RAB39B: variants seen among roughly 807,000 people sequenced by gnomAD.
RAB39B encodes RAB39B, member RAS oncogene family.
For missense variants in RAB39B, 68 were observed against 171.3 expected (o/e 0.40, Z 3.37); for synonymous variants, 63 against 67.5 (o/e 0.93, Z 0.33).
rs2124130253 is a variant in RAB39B at position 155,264,255 on chromosome X, T to C, written c.34A>G (p.Ile12Val). 8.3e-7 allele frequency: 1 copy of C among 1,212,062 alleles called. No individual in the cohort carries two copies. Among genetic ancestry groups the C allele is most frequent in the Non-Finnish European group, 1.1e-6 (1 of 895,456 alleles). Residue 12 changes from isoleucine (I) to valine (V), a missense_variant, in exon 1 of 2, where the codon ATT (isoleucine) becomes GTT (valine). Physicochemically the swap from Ile to Val is conservative, Grantham distance 29 (BLOSUM62 3). Transcript: ENST00000369454. Reference protein sequence around the residue: ...EAIWLYQFRLIVIGDSTVGKS... With the variant: ...EAIWLYQFRLVVIGDSTVGKS... ...CCCACTGTGGAATCCCCGATGACAATGAGCCGGAACTGGTACAGCCAGATG... is the reference window on the plus strand; with the variant it reads ...CCCACTGTGGAATCCCCGATGACAACGAGCCGGAACTGGTACAGCCAGATG...
rs2074851932 is a variant in RAB39B, at chrX:155,261,031, G to A, written c.414C>T (p.Ala138=). The change falls in exon 2 of 2, where the codon GCC becomes GCT. Residue 138 remains alanine, a synonymous_variant. Coordinates refer to ENST00000369454, the MANE Select transcript of RAB39B (RefSeq NM_171998.4). Reference sequence around the variant, plus strand: ...TGCCGTATGCAGCAGCCAGTTTCTCGGCCTCGTGGCGAGTCACTTGCCTCT... The same window carrying A: ...TGCCGTATGCAGCAGCCAGTTTCTCAGCCTCGTGGCGAGTCACTTGCCTCT... ...DTQRQVTRHE[A]EKLAAAYGMK... is the part of the protein sequence containing the mutation. 1.6e-5 allele frequency: 19 copies of A among 1,211,059 alleles called. No homozygotes were observed. Among genetic ancestry groups the A allele is most frequent in the South Asian group, 1.8e-5 (1 of 56,928 alleles).
chrX:155,260,752 C>T lies in RAB39B; in HGVS notation c.*51G>A. The T allele has an allele frequency of 8.9e-7, 1 of 1,121,408 alleles. No homozygotes were observed. Among genetic ancestry groups the T allele is most frequent in the Non-Finnish European group, 1.2e-6 (1 of 813,246 alleles). 92.4% of individuals were successfully genotyped at this position (1,121,408 alleles called of 1,213,427 possible). On this transcript the variant is annotated 3_prime_UTR_variant, in exon 2 of 2. Coordinates refer to ENST00000369454, the MANE Select transcript of RAB39B (RefSeq NM_171998.4). ...TTACACAAAGATTCTATTTATTTCT[C>T]TTACTTTTCAGTTCAAGTAGGAGAG...
chrX:155,264,350 G>A lies in RAB39B; in HGVS notation c.-62C>T. On this transcript the variant is annotated 5_prime_UTR_variant, in exon 1 of 2. Transcript: ENST00000369454. ...GGACGGCGGGAGGGGGCGCCCCGCC[G>A]ACGCCTCAGAGAGCGCGGCTCGGCA... 1 of 1,054,903 alleles carries A rather than the reference G, an allele frequency of 9.5e-7. No homozygotes were observed. Among genetic ancestry groups the A allele is most frequent in the Non-Finnish European group, 1.3e-6 (1 of 755,068 alleles). The allele number at this position is 1,054,903 out of a possible 1,213,427, so 86.9% of individuals were successfully genotyped here. A position where few individuals can be genotyped will look rare whatever the true frequency, so the allele number is the denominator to read the frequency against.
chrX:155,261,637 T>C (rs1372067126), intron 1 of RAB39B, among the ~76,000 whole-genome samples: 1 of 111,481 alleles, frequency 9.0e-6, no homozygotes, highest in South Asian at 3.7e-4. Context: ...AGTGTTACCA[T>C]GAGGCAAAAT....
intron 1 of RAB39B, among the ~76,000 whole-genome samples, chrX:155,262,914 T>C (rs782258145): frequency 2.7e-5 from 3 of 112,415 alleles, no homozygotes; most frequent in Non-Finnish European, 5.6e-5. Flanking sequence ...CAGTGGTGTT[T>C]GTGGAAGTGG....
chrX:155,262,313 A>G (rs2074856480), intron 1 of RAB39B, among the ~76,000 whole-genome samples: 1 of 112,461 alleles, frequency 8.9e-6, no homozygotes, highest in South Asian at 3.7e-4. Context: ...CTACAGTCCA[A>G]GCTAGATGAT....
chrX:155,264,277 G>A lies in RAB39B; in HGVS notation c.12C>T (p.Ile4=), dbSNP rs781860378. MEA[I]WLYQFRLIVI... The stretch of plus-strand genomic sequence containing the variant: ...CAATGAGCCGGAACTGGTACAGCCA[G>A]ATGGCCTCCATGGCCGCGGCTCTGC... The change falls in exon 1 of 2, where the codon ATC becomes ATT. Residue 4 remains isoleucine, a synonymous_variant. Transcript: ENST00000369454. 8.3e-7 allele frequency: 1 copy of A among 1,211,661 alleles called. No individual in the cohort carries two copies. Among genetic ancestry groups the A allele is most frequent in the South Asian group, 1.8e-5 (1 of 57,030 alleles).
Position 155,260,956 on chromosome X carries a change from G to A in RAB39B, c.489C>T (p.Ala163=). The change falls in exon 2 of 2, where the codon GCC becomes GCT. Residue 163 remains alanine, a synonymous_variant. Transcript: ENST00000369454. ...ATATGTCTCTTGTCAGGTCTGTGAA[G>A]GCTTTCTCCACATTAATGGCATCTC... The part of the protein sequence containing the change: ...SARDAINVEK[A]FTDLTRDIYE... 1 of 1,211,567 alleles carries A rather than the reference G, an allele frequency of 8.3e-7. No individual in the cohort carries two copies. Among genetic ancestry groups the A allele is most frequent in the Non-Finnish European group, 1.1e-6 (1 of 895,429 alleles).
Position 155,260,552 on chromosome X carries a change from G to A in RAB39B, c.*251C>T. The stretch of plus-strand genomic sequence containing the variant: ...ACATGTGGTCCACAAAGGGCTCATG[G>A]AGCAGCCACTGCCTAGCATGGGCCA... On this transcript the variant is annotated 3_prime_UTR_variant, in exon 2 of 2. Coordinates refer to ENST00000369454, the MANE Select transcript of RAB39B (RefSeq NM_171998.4). The A allele has an allele frequency of 2.4e-6, 1 of 412,026 alleles. No individual in the cohort carries two copies. The highest frequency in any genetic ancestry group is 4.3e-6 in the Non-Finnish European group (1 of 234,920). The allele number at this position is 412,026 out of a possible 1,213,427, so 34.0% of individuals were successfully genotyped here.
intron 1 of RAB39B, among the ~76,000 whole-genome samples, chrX:155,262,126 T>A (rs1366033409): frequency 8.9e-6 from 1 of 111,856 alleles, no homozygotes; most frequent in Non-Finnish European, 1.9e-5. Flanking sequence ...TTAAAGCTTA[T>A]TACAGGGTAT....
Position 155,261,357 on chromosome X carries a change from T to A in RAB39B, c.216-128A>T, listed in dbSNP as rs782773143. The A allele has an allele frequency of 6.8e-4, 376 of 550,906 alleles. 1 individual carries two copies. The highest frequency in any genetic ancestry group is 1.5e-3 in the South Asian group (52 of 34,583). The allele number at this position is 550,906 out of a possible 1,213,427, so 45.4% of individuals were successfully genotyped here. A position where few individuals can be genotyped will look rare whatever the true frequency, so the allele number is the denominator to read the frequency against. On this transcript the variant is annotated intron_variant, in intron 1 of 1. Transcript: ENST00000369454. ...TAATAAAAATGATTTTCTTTTTTTTTAAAAAAACAAAGGAATACAAATGGC... is the reference window on the plus strand; with the variant it reads ...TAATAAAAATGATTTTCTTTTTTTTAAAAAAAACAAAGGAATACAAATGGC...
rs1236724797 is a variant in RAB39B, at chrX:155,258,806, T to C, written c.*1997A>G. The C allele has an allele frequency of 3.6e-5, 4 of 112,598 alleles. No individual in the cohort carries two copies. Among genetic ancestry groups the C allele is most frequent in the East Asian group, 2.8e-4 (1 of 3,614 alleles). The allele number at this position is 112,598 out of a possible 1,213,427, so 9.3% of individuals were successfully genotyped here. On this transcript the variant is annotated 3_prime_UTR_variant, in exon 2 of 2. Transcript: ENST00000369454. ...AGAATCTTCTAAACATAATTCAGTA[T>C]AGCAGTTGATGAAATTTTGTGTTAA...
intron 1 of RAB39B, among the ~76,000 whole-genome samples, chrX:155,261,985 C>G (rs1557314334): frequency 9.0e-6 from 1 of 110,996 alleles, no homozygotes; most frequent in Non-Finnish European, 1.9e-5. Flanking sequence ...GCCTCTCAGC[C>G]CTGTTTCCTG....
intron 1 of RAB39B, among the ~76,000 whole-genome samples, chrX:155,263,599 G>A (rs1200213765): frequency 8.9e-6 from 1 of 112,413 alleles, no homozygotes; most frequent in Admixed American, 9.3e-5. Flanking sequence ...AATGTGTGCT[G>A]GTTGCAAGAA....
rs1447571424 is a variant in RAB39B, at chrX:155,264,271, C to T, written c.18G>A (p.Leu6=). MEAIW[L]YQFRLIVIGD... ...CGATGACAATGAGCCGGAACTGGTACAGCCAGATGGCCTCCATGGCCGCGG... is the reference window on the plus strand; with the variant it reads ...CGATGACAATGAGCCGGAACTGGTATAGCCAGATGGCCTCCATGGCCGCGG... The change falls in exon 1 of 2, where the codon CTG becomes CTA. Residue 6 remains leucine, a synonymous_variant. Coordinates refer to ENST00000369454, the MANE Select transcript of RAB39B (RefSeq NM_171998.4). 23 of 1,210,671 alleles carry T rather than the reference C, an allele frequency of 1.9e-5. No individual in the cohort carries two copies.
rs1475145949 is a variant in RAB39B at position 155,260,567 on chromosome X, A to C, written c.*236T>G. 1.6e-5 allele frequency: 7 copies of C among 425,416 alleles called. No homozygotes were observed. The East Asian group carries it at 2.7e-4, about 17-fold the overall frequency. The allele number at this position is 425,416 out of a possible 1,213,427, so 35.1% of individuals were successfully genotyped here. A position where few individuals can be genotyped will look rare whatever the true frequency, so the allele number is the denominator to read the frequency against. On this transcript the variant is annotated 3_prime_UTR_variant, in exon 2 of 2. Coordinates refer to ENST00000369454, the MANE Select transcript of RAB39B (RefSeq NM_171998.4). ...AGGGCTCATGGAGCAGCCACTGCCT[A>C]GCATGGGCCACAAAACAGTGCCTGG...
In RAB39B at chrX:155,264,390, C is replaced by A. The variant is rs1159639301; in HGVS notation, c.-102G>T. On this transcript the variant is annotated 5_prime_UTR_variant, in exon 1 of 2. Coordinates refer to ENST00000369454, the MANE Select transcript of RAB39B (RefSeq NM_171998.4). ...GCGGCTCGGCAGGATCTAGCTCAGC[C>A]GCGAGCGCATCGCTGGCCTGGGAGC... 5 of 807,067 alleles carry A rather than the reference C, an allele frequency of 6.2e-6. No homozygotes were observed. Among genetic ancestry groups the A allele is most frequent in the Non-Finnish European group, 9.1e-6 (5 of 546,545 alleles). 66.5% of individuals were successfully genotyped at this position (807,067 alleles called of 1,213,427 possible). A position where few individuals can be genotyped will look rare whatever the true frequency, so the allele number is the denominator to read the frequency against.
chrX:155,261,782 C>G (rs1557314306), intron 1 of RAB39B, among the ~76,000 whole-genome samples: 1 of 111,074 alleles, frequency 9.0e-6, no homozygotes. Flanking sequence ...TCTTGCTACT[C>G]CATTTTTTCC....
At chrX:155,262,303 C>T (rs1044801212) in intron 1 of RAB39B, among the ~76,000 whole-genome samples, 7 of 112,035 alleles carry the variant, frequency 6.2e-5, no homozygotes, top group Admixed American at 9.5e-5. Flanking sequence ...GTCCAGGGAC[C>T]TACAGTCCAA....
Sources: allele counts gnomAD v4.1 joint callset (sites outside exome capture counted in the v4.1 genomes callset), GRCh38; gene constraint gnomAD v4.1.1; transcripts MANE v1.5; gene names NCBI Gene and HGNC (gene_info 2026-07-23, HGNC 2026-07-21).